DTD1: variants seen among roughly 807,000 people sequenced by gnomAD.
The protein encoded by DTD1 is D-aminoacyl-tRNA deacylase 1.
In DTD1, 13 loss-of-function variants were observed where a neutral mutation model predicts 25.6. That is an observed-to-expected ratio of 0.51 (90% CI 0.33 to 0.81). The LOEUF (loss-of-function observed/expected upper bound fraction) is 0.81. Among genes scored for constraint, DTD1 ranks in the 30% least tolerant of loss-of-function variants. The pLI, the probability that DTD1 is intolerant of heterozygous loss-of-function variation, is 0.02. For missense variants in DTD1, 193 were observed against 266.4 expected (o/e 0.72, Z 1.92); for synonymous variants, 110 against 103.6 (o/e 1.06, Z -0.37).
chr20:18,632,133 A>G, intron 4 of DTD1: 1 of 981,630 alleles, frequency 1.0e-6, no homozygotes, highest in African/African-American at 1.7e-5. Flanking sequence ...TCAGAGCATC[A>G]TGCTGTACAC....
rs528301660 is a variant in DTD1 at position 18,707,935 on chromosome 20, G to A, written c.478-36165G>A. 3.8e-4 allele frequency among the ~76,000 whole-genome samples: 57 copies of A among 151,382 alleles called. No individual in the cohort carries two copies. In the East Asian group the frequency reaches 7.7e-3, roughly 20 times the overall value. On this transcript the variant is annotated intron_variant, in intron 4 of 5. Coordinates refer to ENST00000377452, the MANE Select transcript of DTD1 (RefSeq NM_080820.6). Reference sequence around the variant, plus strand: ...TGAGTGTGTCTGGTGAGGGTGTGGCGTGAGGGGCACCTTTCCAGAACCAGC... The same window carrying A: ...TGAGTGTGTCTGGTGAGGGTGTGGCATGAGGGGCACCTTTCCAGAACCAGC...
At chr20:18,599,773 G>A (rs2060625995) in intron 3 of DTD1, among the ~76,000 whole-genome samples, 2 of 152,044 alleles carry the variant, frequency 1.3e-5, no homozygotes, top group South Asian at 4.2e-4. Flanking sequence ...CATATGATAT[G>A]GAACATTTTT....
In DTD1 at chr20:18,598,422, G is replaced by A. The variant is rs144204798; in HGVS notation, c.370+2181G>A. On this transcript the variant is annotated intron_variant, in intron 3 of 5. Transcript: ENST00000377452. ...TTCCAAGTCTTTGCTATTGTAAAAA[G>A]TGCTGCAATAAACATACGTGTGCAT... 5.1e-3 allele frequency among the ~76,000 whole-genome samples: 782 copies of A among 152,158 alleles called. 9 individuals carry two copies. Among genetic ancestry groups the A allele is most frequent in the African/African-American group, 0.018 (746 of 41,486 alleles).
chr20:18,642,459 G>A (rs1444451393), intron 4 of DTD1, among the ~76,000 whole-genome samples: 1 of 152,004 alleles, frequency 6.6e-6, no homozygotes, highest in Non-Finnish European at 1.5e-5. Flanking sequence ...CATAGAGACA[G>A]GGTCTTGCTG....
At chr20:18,621,499 C>T (rs144002656) in intron 3 of DTD1, among the ~76,000 whole-genome samples, 83 of 152,314 alleles carry the variant, frequency 5.4e-4, no homozygotes, top group Non-Finnish European at 5.9e-4. Flanking sequence ...TAATTTTAGC[C>T]TCCATCCATG....
intron 3 of DTD1, among the ~76,000 whole-genome samples, chr20:18,623,766 G>A (rs1300345815): frequency 6.6e-6 from 1 of 152,140 alleles, no homozygotes; most frequent in Non-Finnish European, 1.5e-5. Flanking sequence ...CAGCCTGAGT[G>A]AGCCACTTCC....
chr20:18,659,894 A>C (rs575938310), intron 4 of DTD1, among the ~76,000 whole-genome samples: 3 of 151,802 alleles, frequency 2.0e-5, no homozygotes, highest in African/African-American at 7.3e-5. Context: ...CACGTTCAGC[A>C]CATGTATCCC....
At chr20:18,650,403 G>A (rs751140066) in intron 4 of DTD1, among the ~76,000 whole-genome samples, 15 of 151,978 alleles carry the variant, frequency 9.9e-5, no homozygotes, top group Admixed American at 6.6e-5. Context: ...AGCCTATCAC[G>A]GCCCCGTCCT....
At chr20:18,664,929 G>A (rs913456924) in intron 4 of DTD1, among the ~76,000 whole-genome samples, 1 of 152,092 alleles carries the variant, frequency 6.6e-6, no homozygotes, top group African/African-American at 2.4e-5. Flanking sequence ...CTGGGTACAC[G>A]GGGTGGGTGG....
chr20:18,629,779 T>A (rs960392948), intron 4 of DTD1, among the ~76,000 whole-genome samples: 2 of 152,028 alleles, frequency 1.3e-5, no homozygotes, highest in African/African-American at 4.8e-5. Flanking sequence ...CTCAGGAAAC[T>A]TACAATCATG....
intron 4 of DTD1, among the ~76,000 whole-genome samples, chr20:18,691,805 A>G (rs1287116848): frequency 1.3e-5 from 2 of 152,210 alleles, no homozygotes; most frequent in African/African-American, 4.8e-5. Flanking sequence ...ACACCTGGCT[A>G]GTGGCTACCA....
chr20:18,675,844 A>ATATATGTGTAAATATACCTATGTGTGTG (rs2060970732), intron 4 of DTD1, among the ~76,000 whole-genome samples: 1 of 4,720 alleles, frequency 2.1e-4, no homozygotes, highest in South Asian at 3.5e-3. Context: ...CTATGTGTAT[A>ATATATGTGTAAATATACCTATGTGTGTG]TTTACACATA....
intron 4 of DTD1, 106 bp downstream of exon 4, chr20:18,628,339 T>C: frequency 1.2e-6 from 1 of 834,704 alleles, no homozygotes; most frequent in Non-Finnish European, 1.9e-6. Flanking sequence ...TGTTGCAACG[T>C]TGTATTTATT....
Position 18,708,240 on chromosome 20 carries a change from A to AT in DTD1, c.478-35859dup, listed in dbSNP as rs1490266939. On this transcript the variant is annotated intron_variant, in intron 4 of 5. Transcript: ENST00000377452. Reference sequence around the variant, plus strand: ...TATAATATATATATATTTTATATATATATAATATATATTATATATATATTT... The same window carrying AT: ...TATAATATATATATATTTTATATATATTATAATATATATTATATATATATTT... 0.022 allele frequency among the ~76,000 whole-genome samples: 42 copies of AT among 1,930 alleles called. 6 individuals carry two copies. In the East Asian group the frequency reaches 0.31, roughly 14 times the overall value. The allele number at this position is 1,930 out of a possible 152,430, so 1.3% of individuals were successfully genotyped here.
At chr20:18,667,778 C>G (rs142775383) in intron 4 of DTD1, among the ~76,000 whole-genome samples, 1 of 152,160 alleles carries the variant, frequency 6.6e-6, no homozygotes, top group Admixed American at 6.5e-5. Context: ...GAAAGCCCCC[C>G]ACCTGAGCGC....
chr20:18,622,848 C>T (rs2060740347), intron 3 of DTD1, among the ~76,000 whole-genome samples: 1 of 151,956 alleles, frequency 6.6e-6, no homozygotes, highest in Admixed American at 6.6e-5. Flanking sequence ...AAGGAAGTTT[C>T]CCAATATCCC....
At chr20:18,591,946 A>T (rs1025993463) in intron 1 of DTD1, among the ~76,000 whole-genome samples, 1 of 152,236 alleles carries the variant, frequency 6.6e-6, no homozygotes, top group Non-Finnish European at 1.5e-5. Flanking sequence ...AGCACAGAAG[A>T]AAAGATTTAA....
intron 4 of DTD1, among the ~76,000 whole-genome samples, chr20:18,738,891 G>C (rs995494455): frequency 6.6e-6 from 1 of 152,238 alleles, no homozygotes; most frequent in East Asian, 1.9e-4. Flanking sequence ...GCTAAGTGGG[G>C]ATCCCTAACA....
At chr20:18,595,326 G>T (rs1245368528) in intron 2 of DTD1, among the ~76,000 whole-genome samples, 1 of 151,964 alleles carries the variant, frequency 6.6e-6, no homozygotes, top group Non-Finnish European at 1.5e-5. Flanking sequence ...GAGTGCAGTG[G>T]TGCAATCTTA....
Sources: gnomAD v4.1 joint callset for allele counts (sites outside exome capture counted in the v4.1 genomes callset) on GRCh38, gnomAD v4.1.1 for gene constraint, MANE v1.5 for transcripts, NCBI Gene and HGNC (gene_info 2026-07-23, HGNC 2026-07-21) for gene names.